The following PDE4A variants were observed in gnomAD, a reference collection of about 807,000 sequenced individuals.
PDE4A encodes the protein 3',5'-cyclic-AMP phosphodiesterase 4A.
Under a neutral mutation model 73.9 loss-of-function variants are expected in PDE4A, and 21 were observed. That is an observed-to-expected ratio of 0.28 (90% CI 0.20 to 0.41). The LOEUF is 0.41. Among genes scored for constraint, PDE4A ranks in the 10% least tolerant of loss-of-function variants. The probability of loss-of-function intolerance (pLI) is 1.00; values close to 1 mark genes in which losing one functional copy is unlikely to be tolerated. For synonymous variants in PDE4A, 463 were observed against 505.4 expected (o/e 0.92, Z 1.13); for missense variants, 958 against 1,211.4 (o/e 0.79, Z 3.10).
At chr19:10,465,595 A>C (rs2043352963) in intron 14 of PDE4A, among the ~76,000 whole-genome samples, 1 of 150,062 alleles carries the variant, frequency 6.7e-6, no homozygotes, top group South Asian at 2.1e-4. Flanking sequence ...AAAATCACTC[A>C]CACACACCCC....
At chr19:10,460,954 C>A in intron 10 of PDE4A, 50 bp from the exon 11 acceptor site, 2 of 1,568,030 alleles carry the variant, frequency 1.3e-6, no homozygotes, top group South Asian at 2.3e-5. Flanking sequence ...TGCTCACCAC[C>A]ATGCATGGCT....
At chr19:10,454,983 C>A in intron 7 of PDE4A, 61 bp downstream of exon 7, 7 of 1,539,356 alleles carry the variant, frequency 4.5e-6, no homozygotes, top group Non-Finnish European at 6.3e-6. Flanking sequence ...AGGGGGCTGC[C>A]CCTGACCGTG....
At chr19:10,417,661 G>C (rs780302553), upstream of PDE4A, 6 of 1,592,566 alleles carry the variant, frequency 3.8e-6, no homozygotes, top group South Asian at 6.7e-5. Flanking sequence ...CCTCCCCAGA[G>C]GTCGAGGGAG....
intron 1 of PDE4A, among the ~76,000 whole-genome samples, chr19:10,437,111 CTT>C (rs1342128724): frequency 2.0e-5 from 3 of 152,076 alleles, no homozygotes; most frequent in Non-Finnish European, 4.4e-5. Flanking sequence ...ATTATCTCAC[CTT>C]AAGAACCTTA....
intron 11 of PDE4A, 117 bp from the exon 12 acceptor site, chr19:10,461,409 G>T: frequency 2.0e-6 from 3 of 1,534,552 alleles, no homozygotes; most frequent in Non-Finnish European, 2.6e-6. Context: ...AGCTGACTGG[G>T]CTGGAGGCGA....
At chr19:10,436,539 G>C (rs1157597831) in intron 1 of PDE4A, among the ~76,000 whole-genome samples, 1 of 146,996 alleles carries the variant, frequency 6.8e-6, no homozygotes, top group Non-Finnish European at 1.5e-5. Flanking sequence ...TAGGCAATAA[G>C]AGCGAAACTC....
chr19:10,418,703 C>G, upstream of PDE4A: 6 of 966,730 alleles, frequency 6.2e-6, no homozygotes, highest in Non-Finnish European at 7.4e-6. Context: ...TCGTTTCCTC[C>G]TTCTTCTGCA....
At chr19:10,421,659 C>T (rs1355848667) in intron 1 of PDE4A, among the ~76,000 whole-genome samples, 1 of 152,132 alleles carries the variant, frequency 6.6e-6, no homozygotes, top group South Asian at 2.1e-4. Context: ...GGGAGCCTTG[C>T]GTTAGATTGG....
At chr19:10,455,967 A>G (rs1042935828) in intron 7 of PDE4A, among the ~76,000 whole-genome samples, 1 of 149,902 alleles carries the variant, frequency 6.7e-6, no homozygotes, top group Non-Finnish European at 1.5e-5. Context: ...AAGGCCCCCC[A>G]ACTTTAGCAA....
At chr19:10,432,395 G>A (rs1332986029) in intron 1 of PDE4A, 4 of 1,358,096 alleles carry the variant, frequency 2.9e-6, no homozygotes, top group Non-Finnish European at 3.8e-6. Context: ...CCGCCCTGCC[G>A]CCGTCCCCAT....
intron 6 of PDE4A, among the ~76,000 whole-genome samples, chr19:10,452,215 G>A (rs1326830644): frequency 6.6e-6 from 1 of 151,946 alleles, no homozygotes; most frequent in East Asian, 1.9e-4. Context: ...CAAGGCGGGC[G>A]GATCACCTGA....
At chr19:10,422,107 T>C (rs1373463226) in intron 1 of PDE4A, among the ~76,000 whole-genome samples, 4 of 152,102 alleles carry the variant, frequency 2.6e-5, no homozygotes, top group Non-Finnish European at 5.9e-5. Context: ...ATGCAGTGAT[T>C]GGGATAGAGT....
chr19:10,459,291 G>C, intron 8 of PDE4A, 109 bp from the exon 9 acceptor site: 8 of 1,557,786 alleles, frequency 5.1e-6, no homozygotes, highest in Non-Finnish European at 6.9e-6. Flanking sequence ...CACCCACTGG[G>C]TGAGCAATAA....
At chr19:10,429,553 G>C (rs2042761625) in intron 1 of PDE4A, among the ~76,000 whole-genome samples, 1 of 152,110 alleles carries the variant, frequency 6.6e-6, no homozygotes, top group South Asian at 2.1e-4. Flanking sequence ...ACCTGGGCTG[G>C]TCTCGAACTC....
chr19:10,451,397 T>C (rs944996137), intron 6 of PDE4A, among the ~76,000 whole-genome samples: 1 of 152,000 alleles, frequency 6.6e-6, no homozygotes, highest in Non-Finnish European at 1.5e-5. Flanking sequence ...TAGGTGACCG[T>C]TTCCGTTGGG....
upstream of PDE4A, among the ~76,000 whole-genome samples, chr19:10,418,147 G>A (rs773963937): frequency 1.3e-5 from 2 of 152,216 alleles, no homozygotes; most frequent in Non-Finnish European, 1.5e-5. Context: ...TATTCACAGA[G>A]CTGGGGCAGG....
intron 13 of PDE4A, among the ~76,000 whole-genome samples, chr19:10,462,217 T>TCCGCCTCCCGCCTC (rs367865734): frequency 1.2e-4 from 18 of 151,866 alleles, no homozygotes; most frequent in Non-Finnish European, 2.5e-4. Flanking sequence ...CACCACAACC[T>TCCGCCTCCCGCCTC]CCGCCTCCCG....
At chr19:10,418,982 G>A, upstream of PDE4A, 2 of 984,622 alleles carry the variant, frequency 2.0e-6, no homozygotes, top group Non-Finnish European at 2.4e-6. Flanking sequence ...GCCGGTTTTT[G>A]CTCGGCGTTC....
rs1351824551 is a variant in PDE4A, at chr19:10,421,016, G to A, written c.252G>A (p.Met84Ile). The change falls in exon 1 of 15, where the codon ATG becomes ATA. Residue 84 changes from methionine (M) to isoleucine (I), a missense_variant. Around this residue, in one of 3 missense-constraint regions of PDE4A, gnomAD observed 145 missense variants for 137.8 expected, o/e 1.05. Transcript: ENST00000380702. ...GGCCCGGCCTGCGCACGACCCGCAT[G>A]TCCTGGCCCTCGTCCTTCCATGGCA... ...SDRPGLRTTR[M>I]SWPSSFHGTG... The A allele has an allele frequency of 1.3e-6, 2 of 1,488,838 alleles. No homozygotes were observed. The highest frequency in any genetic ancestry group is 8.9e-7 in the Non-Finnish European group (1 of 1,129,130). 92.2% of individuals were successfully genotyped at this position (1,488,838 alleles called of 1,614,324 possible).
Sources: allele counts gnomAD v4.1 joint callset (sites outside exome capture counted in the v4.1 genomes callset), GRCh38; gene constraint gnomAD v4.1.1; regional missense constraint gnomAD v4.1.1; transcripts MANE v1.5; gene names NCBI Gene and HGNC (gene_info 2026-07-23, HGNC 2026-07-21).